Variants in MPP1 observed in about 807,000 individuals in gnomAD.
The protein encoded by MPP1 is 55 kDa erythrocyte membrane protein.
In MPP1, 6 loss-of-function variants were observed where a neutral mutation model predicts 38.2. The observed-to-expected ratio is 0.16, with a 90% CI of 0.09 to 0.31. The LOEUF (loss-of-function observed/expected upper bound fraction) is 0.31. Ranked by LOEUF, MPP1 falls within the 10% of genes least tolerant of loss-of-function variation. The probability of loss-of-function intolerance (pLI) is 1.00; values close to 1 mark genes in which losing one functional copy is unlikely to be tolerated. For synonymous variants in MPP1, 153 were observed against 146.3 expected, an observed-to-expected ratio of 1.05 and a Z score of -0.33; for missense variants, 293 against 368.9, an observed-to-expected ratio of 0.79 and a Z score of 1.69.
chrX:154,781,157 C>T, intron 11 of MPP1, 82 bp downstream of exon 11: 1 of 892,891 alleles, frequency 1.1e-6, no homozygotes, highest in East Asian at 3.1e-5. Flanking sequence ...AGCCAGCACT[C>T]TGGCCAATGA....
intron 5 of MPP1, among the ~76,000 whole-genome samples, chrX:154,787,143 CACA>C (rs1569558871): frequency 9.7e-5 from 9 of 93,164 alleles, no homozygotes; most frequent in African/African-American, 2.1e-4. Flanking sequence ...CACACACACA[CACA>C]CCTACCTCAT....
At chrX:154,794,079 C>T (rs1174047135) in intron 1 of MPP1, among the ~76,000 whole-genome samples, 1 of 111,998 alleles carries the variant, frequency 8.9e-6, no homozygotes, top group Non-Finnish European at 1.9e-5. Context: ...TGGGATTTTG[C>T]ATTTTTGGCA....
intron 1 of MPP1, among the ~76,000 whole-genome samples, chrX:154,803,127 G>A (rs1557268854): frequency 2.7e-5 from 3 of 112,176 alleles, no homozygotes. Context: ...GGCACAGAGA[G>A]CTTCAGCAGC....
intron 1 of MPP1, 100 bp from the exon 2 acceptor site, chrX:154,792,385 T>G: frequency 6.0e-6 from 6 of 1,003,240 alleles, no homozygotes; most frequent in Non-Finnish European, 8.1e-6. Flanking sequence ...TCTGAAAACT[T>G]ATTTCATAAG....
At chrX:154,783,163 C>T (rs1363504347) in intron 9 of MPP1, 3 of 155,300 alleles carry the variant, frequency 1.9e-5, no homozygotes, top group African/African-American at 9.3e-5. Context: ...AACTTTAATA[C>T]TTAGTAATTT....
intron 7 of MPP1, 29 bp from the exon 8 acceptor site, chrX:154,784,137 C>T: frequency 8.8e-7 from 1 of 1,134,485 alleles, no homozygotes; most frequent in Non-Finnish European, 1.2e-6. Flanking sequence ...AAGCAGTGTT[C>T]ATTTCCAGAG....
chrX:154,779,562 C>G (rs782297801), intron 11 of MPP1, among the ~76,000 whole-genome samples: 33 of 112,475 alleles, frequency 2.9e-4, no homozygotes, highest in African/African-American at 1.1e-3. Context: ...GGATCTCAAG[C>G]TAACCCTGAC....
At position 154,804,270 on chromosome X, in the gene MPP1, AT is replaced by A. The variant is rs1391055780; in HGVS notation, c.102+1001del. On this transcript the variant is annotated intron_variant, in intron 1 of 11. Transcript: ENST00000369534. ...ATCGGAGGGTTACTGTAAATCCCAAATGTCCATCTCTTCAGTCATTTATTAA... is the reference window on the plus strand; with the variant it reads ...ATCGGAGGGTTACTGTAAATCCCAAAGTCCATCTCTTCAGTCATTTATTAA... Among the ~76,000 whole-genome samples the A allele has an allele frequency of 2.7e-5, 3 of 111,857 alleles. No homozygotes were observed. In the East Asian group the frequency reaches 8.4e-4, roughly 31 times the overall value.
chrX:154,779,865 T>A (rs781976023), intron 11 of MPP1, among the ~76,000 whole-genome samples: 1 of 113,024 alleles, frequency 8.8e-6, no homozygotes, highest in East Asian at 2.8e-4. Context: ...ATTACAGGCA[T>A]GCGCCACCAC....
At position 154,781,702 on chromosome X, in the gene MPP1, C is replaced by G. The variant is rs1557266667; in HGVS notation, c.1047G>C (p.Leu349Phe). ...MTRNISANEF[L>F]EFGSYQGNMF... is the part of the protein sequence containing the mutation. ...TGTTGCCTTGGTAGCTGCCAAACTC[C>G]AAGAACTCATTGGCAGAGATGTTCC... The change falls in exon 10 of 12, where the codon TTG becomes TTC. Residue 349 changes from leucine to phenylalanine, a missense_variant. Coordinates refer to ENST00000369534, the MANE Select transcript of MPP1 (RefSeq NM_002436.4). 8.3e-7 allele frequency: 1 copy of G among 1,211,628 alleles called. No homozygotes were observed. The highest frequency in any genetic ancestry group is 1.1e-6 in the Non-Finnish European group (1 of 895,280).
At chrX:154,785,209 C>T (rs782647611) in intron 6 of MPP1, 52 bp from the exon 7 acceptor site, 2 of 751,084 alleles carry the variant, frequency 2.7e-6, no homozygotes, top group African/African-American at 3.1e-5. Context: ...TCCCCTCATA[C>T]CCCCCCCAGC....
At chrX:154,803,552 A>G (rs966472661) in intron 1 of MPP1, among the ~76,000 whole-genome samples, 1 of 112,240 alleles carries the variant, frequency 8.9e-6, no homozygotes, top group African/African-American at 3.2e-5. Flanking sequence ...ACATAGGTTT[A>G]CATAAGAACC....
At chrX:154,786,175 GC>G (rs1422172739) in intron 6 of MPP1, 28 bp downstream of exon 6, 6 of 1,166,635 alleles carry the variant, frequency 5.1e-6, no homozygotes, top group Non-Finnish European at 7.0e-6. Context: ...CAGGCACATG[GC>G]CCTTCCACCT....
At chrX:154,780,517 T>A (rs1401279954) in intron 11 of MPP1, among the ~76,000 whole-genome samples, 1 of 112,420 alleles carries the variant, frequency 8.9e-6, no homozygotes, top group African/African-American at 3.2e-5. Context: ...AAAAAGAAAA[T>A]TTTGACAACA....
At chrX:154,801,758 C>CAAAAAA (rs781902044) in intron 1 of MPP1, among the ~76,000 whole-genome samples, 154 of 6,829 alleles carry the variant, frequency 0.023, 49 homozygotes, top group Non-Finnish European at 0.029. Flanking sequence ...AACTCTGTCT[C>CAAAAAA]AAAAAAAAAA....
intron 11 of MPP1, among the ~76,000 whole-genome samples, chrX:154,779,811 C>T (rs1569558730): frequency 8.9e-6 from 1 of 112,969 alleles, no homozygotes; most frequent in Admixed American, 9.3e-5. Context: ...CTCCGCCTCC[C>T]GGGTTCAAGC....
chrX:154,786,116 A>G (rs2072069348), intron 6 of MPP1, 88 bp downstream of exon 6: 7 of 940,633 alleles, frequency 7.4e-6, no homozygotes, highest in African/African-American at 2.0e-5. Flanking sequence ...GTTGAGAAAC[A>G]GAAACTACAA....
intron 11 of MPP1, among the ~76,000 whole-genome samples, chrX:154,780,903 A>G (rs2071984506): frequency 9.0e-6 from 1 of 111,425 alleles, no homozygotes; most frequent in South Asian, 3.7e-4. Flanking sequence ...GTTCAGTGCC[A>G]CCTCTGTCCA....
At chrX:154,781,380 ACC>A in intron 10 of MPP1, 67 bp from the exon 11 acceptor site, 1 of 907,384 alleles carries the variant, frequency 1.1e-6, no homozygotes, top group Non-Finnish European at 1.6e-6. Flanking sequence ...AAAAAAAAAA[ACC>A]TACATAGCTG....
Sources: allele counts gnomAD v4.1 joint callset (sites outside exome capture counted in the v4.1 genomes callset), GRCh38; gene constraint gnomAD v4.1.1; transcripts MANE v1.5; gene names NCBI Gene and HGNC (gene_info 2026-07-23, HGNC 2026-07-21).